Variants in ASGR2 observed in about 807,000 individuals in gnomAD.
ASGR2 encodes the protein asialoglycoprotein receptor 2, also known as C-type lectin domain family 4 member H2.
ASGR2 carries 34 observed loss-of-function variants against 32.3 expected under a neutral mutation model. The observed-to-expected ratio is 1.05, with a 90% CI of 0.80 to 1.40. ASGR2 has a LOEUF of 1.40. ASGR2 is among the 40% of genes most tolerant of loss of function. The pLI is 0.00. For missense variants in ASGR2, 385 were observed against 386.4 expected (o/e 1.00, Z 0.03); for synonymous variants, 143 against 150.0 (o/e 0.95, Z 0.34).
chr17:7,102,317 A>T, intron 7 of ASGR2, 121 bp from the exon 8 acceptor site: 3 of 794,466 alleles, frequency 3.8e-6, no homozygotes, highest in Non-Finnish European at 6.5e-6. Flanking sequence ...AGGCTGAAGC[A>T]CCAGCTCCCG....
In ASGR2 at chr17:7,107,412, C is replaced by T. The variant is rs1913904958; in HGVS notation, c.410-95G>A. 4 of 1,296,336 alleles carry T rather than the reference C, an allele frequency of 3.1e-6. No individual in the cohort carries two copies. Among genetic ancestry groups the T allele is most frequent in the South Asian group, 2.5e-5 (2 of 79,740 alleles). 80.3% of individuals were successfully genotyped at this position (1,296,336 alleles called of 1,614,324 possible). ...GGGGAAGCATATACACCCACAGACA[C>T]GTACACCATGCATAGACCACACCAC... On this transcript the variant is annotated intron_variant, in intron 5 of 8. Transcript: ENST00000691900. This position sits in a 1 kb window ranked among gnomAD's most constrained non-coding sequence, Gnocchi z 5.0.
intron 2 of ASGR2, among the ~76,000 whole-genome samples, chr17:7,112,398 C>T (rs1426818242): frequency 6.6e-6 from 1 of 152,016 alleles, no homozygotes; most frequent in African/African-American, 2.4e-5. Context: ...CAGACGGTCC[C>T]TCACTGGTGT....
In ASGR2 at chr17:7,108,406, A is replaced by G; in HGVS notation, c.337+56T>C. On this transcript the variant is annotated intron_variant, in intron 4 of 8. Coordinates refer to ENST00000691900, the MANE Select transcript of ASGR2 (RefSeq NM_001201352.2). This position sits in a 1 kb window ranked among gnomAD's most constrained non-coding sequence, Gnocchi z 4.9. ...CACACAGCCCTGTTGCAGACTCGGC[A>G]CTGAGCCCAGCAAACCTGTGCGGAT... is the stretch of plus-strand genomic sequence containing the variant. 1 of 1,525,306 alleles carries G rather than the reference A, an allele frequency of 6.6e-7. No homozygotes were observed. The highest frequency in any genetic ancestry group is 1.4e-5 in the African/African-American group (1 of 73,116). 94.5% of individuals were successfully genotyped at this position (1,525,306 alleles called of 1,614,324 possible).
In ASGR2 at chr17:7,107,999, T is replaced by C; in HGVS notation, c.338-92A>G. On this transcript the variant is annotated intron_variant, in intron 4 of 8. Coordinates refer to ENST00000691900, the MANE Select transcript of ASGR2 (RefSeq NM_001201352.2). This position sits in a 1 kb window ranked among gnomAD's most constrained non-coding sequence, Gnocchi z 5.0. ...GGGGCCAGCGCCTCGTCCTGGGCGA[T>C]GCAGGCGTCCACCTCCTGGCTTCCT... The C allele has an allele frequency of 2.7e-6, 4 of 1,457,066 alleles. No homozygotes were observed. In the South Asian group the frequency reaches 5.0e-5, roughly 18 times the overall value. The allele number at this position is 1,457,066 out of a possible 1,614,324, so 90.3% of individuals were successfully genotyped here.
chr17:7,111,506 A>C (rs1207698278), intron 2 of ASGR2, among the ~76,000 whole-genome samples: 1 of 152,012 alleles, frequency 6.6e-6, no homozygotes, highest in Non-Finnish European at 1.5e-5. Context: ...AATACAAAAA[A>C]TTAGCCAGAC....
In ASGR2 at chr17:7,113,429, A is replaced by T. The variant is rs1236671031; in HGVS notation, c.124+688T>A. Reference sequence around the variant, plus strand: ...CTCGCACAACATACACACACGCACAACATACACAACACTCACACAACACAC... The same window carrying T: ...CTCGCACAACATACACACACGCACATCATACACAACACTCACACAACACAC... On this transcript the variant is annotated intron_variant, in intron 2 of 8. Coordinates refer to ENST00000691900, the MANE Select transcript of ASGR2 (RefSeq NM_001201352.2). The surrounding 1 kb of genome is among the most constrained non-coding windows in gnomAD (Gnocchi z 5.1). 6.6e-6 allele frequency among the ~76,000 whole-genome samples: 1 copy of T among 150,550 alleles called. No homozygotes were observed. The highest frequency in any genetic ancestry group is 1.5e-5 in the Non-Finnish European group (1 of 67,586).
chr17:7,111,177 C>T (rs144949121), intron 2 of ASGR2, among the ~76,000 whole-genome samples: 7 of 152,224 alleles, frequency 4.6e-5, no homozygotes, highest in South Asian at 2.1e-4. Context: ...CAATGCATAA[C>T]GAGGAGGTTC....
At chr17:7,109,774 ACT>A (rs1014505632) in intron 2 of ASGR2, among the ~76,000 whole-genome samples, 1 of 151,140 alleles carries the variant, frequency 6.6e-6, no homozygotes, top group African/African-American at 2.4e-5. Context: ...TGCTGTACCC[ACT>A]CTCACATGTG....
chr17:7,102,234 G>C lies in ASGR2; in HGVS notation c.649-38C>G, dbSNP rs201398857. The C allele has an allele frequency of 7.0e-4, 1,095 of 1,554,854 alleles. 7 individuals are homozygous for C. In the Middle Eastern group the frequency reaches 0.026, roughly 37 times the overall value. ...GCAAACAGGAAATTTCTAGTCTCTTGTGCCTTTCTCCTCCCTCCATGCAGG... is the reference window on the plus strand; with the variant it reads ...GCAAACAGGAAATTTCTAGTCTCTTCTGCCTTTCTCCTCCCTCCATGCAGG... On this transcript the variant is annotated intron_variant, in intron 7 of 8. Coordinates refer to ENST00000691900, the MANE Select transcript of ASGR2 (RefSeq NM_001201352.2).
At position 7,108,861 on chromosome 17, in the gene ASGR2, T is replaced by A; in HGVS notation, c.152A>T (p.Gln51Leu). Residue 51 changes from glutamine (Q) to leucine (L), a missense_variant, in exon 3 of 9, where the codon CAG becomes CTG. Gln to Leu is a moderately radical substitution (Grantham distance 113, BLOSUM62 -2). Coordinates refer to ENST00000691900, the MANE Select transcript of ASGR2 (RefSeq NM_001201352.2). This position sits in a 1 kb window ranked among gnomAD's most constrained non-coding sequence, Gnocchi z 4.9. Reference sequence around the variant, plus strand: ...GAAGCAGACCATGGAGCAGAGACGCTGTGCCAGGGGCTGGGCAGGAGGTGG... The same window carrying A: ...GAAGCAGACCATGGAGCAGAGACGCAGTGCCAGGGGCTGGGCAGGAGGTGG... ...KGPPPAQPLA[Q>L]RLCSMVCFSL... 1 of 1,602,564 alleles carries A rather than the reference T, an allele frequency of 6.2e-7. No homozygotes were observed. Among genetic ancestry groups the A allele is most frequent in the South Asian group, 1.1e-5 (1 of 89,426 alleles).
chr17:7,107,945 C>G lies in ASGR2; in HGVS notation c.338-38G>C. ...AGCCAGCTGTTTCCCCGCTGAGCCT[C>G]CCTCCGTCCTCATGCTGCTGGGGGA... On this transcript the variant is annotated intron_variant, in intron 4 of 8. Transcript: ENST00000691900. The surrounding 1 kb of genome is among the most constrained non-coding windows in gnomAD (Gnocchi z 5.0). The G allele has an allele frequency of 6.2e-7, 1 of 1,611,840 alleles. No homozygotes were observed. Among genetic ancestry groups the G allele is most frequent in the African/African-American group, 1.3e-5 (1 of 74,986 alleles).
Position 7,107,752 on chromosome 17 carries a change from ACACACACCGCACACGTACACACT to A in ASGR2, c.409+61_409+83del. On this transcript the variant is annotated intron_variant, in intron 5 of 8. Transcript: ENST00000691900. This position sits in a 1 kb window ranked among gnomAD's most constrained non-coding sequence, Gnocchi z 5.0. ...ACGCACGCACGCACACGTGCACACTACACACACCGCACACGTACACACTACACACACCGCACACGTACACATGC... is the reference window on the plus strand; with the variant it reads ...ACGCACGCACGCACACGTGCACACTAACACACACCGCACACGTACACATGC... The A allele has an allele frequency of 1.9e-6, 1 of 522,476 alleles. No individual in the cohort carries two copies. The highest frequency in any genetic ancestry group is 3.0e-6 in the Non-Finnish European group (1 of 337,896). 32.4% of individuals were successfully genotyped at this position (522,476 alleles called of 1,614,324 possible).
At chr17:7,103,738 G>T (rs1254922239) in intron 7 of ASGR2, among the ~76,000 whole-genome samples, 1 of 152,154 alleles carries the variant, frequency 6.6e-6, no homozygotes. Flanking sequence ...ACTTTGAAAA[G>T]AAGCCTTGTT....
intron 2 of ASGR2, among the ~76,000 whole-genome samples, chr17:7,112,091 G>A (rs1233951612): frequency 1.6e-4 from 2 of 12,296 alleles, no homozygotes; most frequent in Non-Finnish European, 3.5e-4. Context: ...GGAGGGGGAG[G>A]GGAAGGGGAA....
At position 7,107,665 on chromosome 17, in the gene ASGR2, C is replaced by T; in HGVS notation, c.409+171G>A. ...CCACACTACACACCACACACAGATC[C>T]ATGACATATCACACCACACATACGG... On this transcript the variant is annotated intron_variant, in intron 5 of 8. Coordinates refer to ENST00000691900, the MANE Select transcript of ASGR2 (RefSeq NM_001201352.2). This position sits in a 1 kb window ranked among gnomAD's most constrained non-coding sequence, Gnocchi z 5.0. 1.2e-6 allele frequency: 1 copy of T among 845,134 alleles called. No homozygotes were observed. The highest frequency in any genetic ancestry group is 1.9e-6 in the Non-Finnish European group (1 of 529,996). 52.4% of individuals were successfully genotyped at this position (845,134 alleles called of 1,614,324 possible).
intron 7 of ASGR2, among the ~76,000 whole-genome samples, chr17:7,103,835 G>A (rs928958652): frequency 1.3e-4 from 20 of 152,080 alleles, no homozygotes; most frequent in Non-Finnish European, 2.8e-4. Context: ...CAACGTGCAG[G>A]TTTGTTACAT....
intron 2 of ASGR2, among the ~76,000 whole-genome samples, chr17:7,112,165 T>A (rs2151736143): frequency 7.1e-6 from 1 of 141,054 alleles, no homozygotes; most frequent in South Asian, 2.4e-4. Flanking sequence ...GAAAAAAGAA[T>A]TAAAAAATGG....
chr17:7,114,973 G>T, upstream of ASGR2: 3 of 985,426 alleles, frequency 3.0e-6, no homozygotes, highest in Non-Finnish European at 3.6e-6. This position sits in a 1 kb window ranked among gnomAD's most constrained non-coding sequence, Gnocchi z 4.5. Context: ...TTTGGAAGGG[G>T]TGCCAGGCCA....
rs138243650 is a variant in ASGR2, at chr17:7,101,685, C to T, written c.811G>A (p.Glu271Lys). ...NWHGHELGGS[E>K]DCVEVQPDGR... The stretch of plus-strand genomic sequence containing the variant: ...TCCGGCTGGACTTCAACACAGTCTT[C>T]ACTTCCACCCAGCTCGTGCCCGTGC... Residue 271 changes from glutamate (E) to lysine (K), a missense_variant, in exon 9 of 9, where the codon GAA becomes AAA. Physicochemically the swap from Glu to Lys is moderately conservative, Grantham distance 56. Transcript: ENST00000691900. The T allele has an allele frequency of 1.5e-5, 25 of 1,614,122 alleles. No individual in the cohort carries two copies. The highest frequency in any genetic ancestry group is 1.7e-6 in the Non-Finnish European group (2 of 1,180,054).
Sources: allele counts gnomAD v4.1 joint callset (sites outside exome capture counted in the v4.1 genomes callset), GRCh38; gene constraint gnomAD v4.1.1; non-coding constraint Gnocchi (gnomAD v3.1); transcripts MANE v1.5; gene names NCBI Gene and HGNC (gene_info 2026-07-23, HGNC 2026-07-21).